Variants in WDPCP observed in about 807,000 individuals in gnomAD.
WDPCP encodes the protein WD repeat-containing and planar cell polarity effector protein fritz homolog.
In WDPCP, 71 loss-of-function variants were observed where a neutral mutation model predicts 93.1. That is an observed-to-expected ratio of 0.76 (90% confidence interval 0.63 to 0.93). WDPCP has a LOEUF of 0.93. Among genes scored for constraint, WDPCP ranks in the 40% least tolerant of loss-of-function variants. The pLI is 0.00. For missense variants in WDPCP, 844 were observed against 887.4 expected, an observed-to-expected ratio of 0.95 and a Z score of 0.62; for synonymous variants, 315 against 315.0, an observed-to-expected ratio of 1.00 and a Z score of 0.00.
At chr2:63,522,198 G>A (rs753839784) in intron 1 of WDPCP, among the ~76,000 whole-genome samples, 19 of 143,322 alleles carry the variant, frequency 1.3e-4, no homozygotes, top group Non-Finnish European at 2.1e-4. Flanking sequence ...CCCACCCCCC[G>A]GCAGGTGATG....
intron 2 of WDPCP, among the ~76,000 whole-genome samples, chr2:63,678,344 A>G (rs115672406): frequency 0.012 from 1,885 of 152,278 alleles, 22 homozygotes; most frequent in Non-Finnish European, 0.021. Context: ...AAAACCACAT[A>G]TCAAACTGCT....
At chr2:63,531,181 G>C (rs1703810098) in intron 1 of WDPCP, among the ~76,000 whole-genome samples, 1 of 152,248 alleles carries the variant, frequency 6.6e-6, no homozygotes, top group Non-Finnish European at 1.5e-5. Flanking sequence ...GGTAAACAAA[G>C]CAGCCCAGAA....
chr2:63,690,018 A>G (rs1668867800), intron 2 of WDPCP, among the ~76,000 whole-genome samples: 1 of 152,210 alleles, frequency 6.6e-6, no homozygotes, highest in Non-Finnish European at 1.5e-5. Flanking sequence ...TTGCATTCAG[A>G]TGGTGGTGGA....
intron 2 of WDPCP, among the ~76,000 whole-genome samples, chr2:63,781,192 A>T (rs1375740607): frequency 1.3e-5 from 2 of 152,162 alleles, no homozygotes; most frequent in Non-Finnish European, 2.9e-5. Context: ...TTCCTATAGT[A>T]TTTCCATACT....
chr2:63,226,954 T>G (rs1044111082), intron 14 of WDPCP, among the ~76,000 whole-genome samples: 2 of 151,912 alleles, frequency 1.3e-5, no homozygotes, highest in Non-Finnish European at 2.9e-5. Context: ...ACATGATTTG[T>G]TATGAAAAAG....
At chr2:63,523,628 C>T (rs1010341420) in intron 1 of WDPCP, among the ~76,000 whole-genome samples, 1 of 152,184 alleles carries the variant, frequency 6.6e-6, no homozygotes, top group Admixed American at 6.6e-5. Flanking sequence ...AGGCAATCAA[C>T]AGGCTGGGCG....
chr2:63,687,577 G>A (rs1490451405), intron 2 of WDPCP, among the ~76,000 whole-genome samples: 1 of 152,190 alleles, frequency 6.6e-6, no homozygotes, highest in Admixed American at 6.5e-5. Flanking sequence ...ACAGGCATAT[G>A]AAAAGGTGCT....
intron 4 of WDPCP, among the ~76,000 whole-genome samples, chr2:63,486,301 T>C (rs971736413): frequency 1.2e-4 from 18 of 151,888 alleles, no homozygotes; most frequent in Non-Finnish European, 2.9e-5. Flanking sequence ...TAATATATAG[T>C]TCATTATGAA....
chr2:63,732,182 C>G (rs777729848), intron 2 of WDPCP, among the ~76,000 whole-genome samples: 2 of 152,190 alleles, frequency 1.3e-5, no homozygotes, highest in Non-Finnish European at 2.9e-5. Context: ...GCAATCATAG[C>G]TTTCAAGGCA....
Position 63,408,057 on chromosome 2 carries a change from AG to A in WDPCP, c.826-3401del, listed in dbSNP as rs1694730128. ...TCTAATAGGCTCTGTAGTTTCACGA[AG>A]AAAACGGGGTAAAAAGTGGAGGTGG... On this transcript the variant is annotated intron_variant, in intron 9 of 17. Transcript: ENST00000272321. Among the ~76,000 whole-genome samples the A allele has an allele frequency of 3.3e-5, 5 of 152,322 alleles. No homozygotes were observed. In the South Asian group the frequency reaches 1.0e-3, roughly 32 times the overall value.
intron 12 of WDPCP, among the ~76,000 whole-genome samples, chr2:63,326,525 A>T (rs1226981384): frequency 6.6e-6 from 1 of 151,288 alleles, no homozygotes; most frequent in African/African-American, 2.4e-5. Flanking sequence ...AAAGAGAGAA[A>T]GAGACAGAGA....
At chr2:63,345,337 G>A (rs1689117140) in intron 12 of WDPCP, among the ~76,000 whole-genome samples, 1 of 152,184 alleles carries the variant, frequency 6.6e-6, no homozygotes, top group Non-Finnish European at 1.5e-5. Context: ...GGTGACATAA[G>A]GCACTTTAGT....
At chr2:63,534,590 A>T (rs1028715933) in intron 1 of WDPCP, among the ~76,000 whole-genome samples, 2 of 152,232 alleles carry the variant, frequency 1.3e-5, no homozygotes, top group Non-Finnish European at 2.9e-5. Flanking sequence ...CATCATATAA[A>T]CAGAAACAAA....
At chr2:63,704,876 C>A (rs1669122769) in intron 2 of WDPCP, among the ~76,000 whole-genome samples, 1 of 152,140 alleles carries the variant, frequency 6.6e-6, no homozygotes, top group South Asian at 2.1e-4. Context: ...AGGAATGGTA[C>A]CAGCTCCTCC....
rs1193313731 is a variant in WDPCP, at chr2:63,239,394, T to C, written c.1915+19913A>G. On this transcript the variant is annotated intron_variant, in intron 14 of 17. Transcript: ENST00000272321. ...TCTTTCCAAATTCCCCTTGAGAATA[T>C]AGATTTATGGTTATATGAAGCCATT... Among the ~76,000 whole-genome samples, 6 of 152,206 alleles carry C rather than the reference T, an allele frequency of 3.9e-5. No homozygotes were observed. In the South Asian group the frequency reaches 1.0e-3, roughly 26 times the overall value.
intron 1 of WDPCP, among the ~76,000 whole-genome samples, chr2:63,546,025 C>A (rs1705126956): frequency 6.6e-6 from 1 of 152,172 alleles, no homozygotes; most frequent in African/African-American, 2.4e-5. Context: ...ATCTGACAGC[C>A]ATACCTCTCA....
intron 15 of WDPCP, among the ~76,000 whole-genome samples, chr2:63,170,881 G>C (rs1673334267): frequency 2.0e-5 from 3 of 152,158 alleles, no homozygotes; most frequent in African/African-American, 7.2e-5. Flanking sequence ...TAGATCAATA[G>C]AGCAGAATGA....
At chr2:63,360,657 C>T (rs1424046988) in intron 12 of WDPCP, among the ~76,000 whole-genome samples, 1 of 152,220 alleles carries the variant, frequency 6.6e-6, no homozygotes, top group Non-Finnish European at 1.5e-5. Flanking sequence ...GGTGCATTCT[C>T]TGCAAATTGC....
intron 9 of WDPCP, among the ~76,000 whole-genome samples, chr2:63,410,735 G>A (rs1694961271): frequency 6.6e-6 from 1 of 152,184 alleles, no homozygotes; most frequent in Admixed American, 6.5e-5. Context: ...GTGAGTAGGG[G>A]TAGCTATTCT....
Sources: gnomAD v4.1 joint callset for allele counts (sites outside exome capture counted in the v4.1 genomes callset) on GRCh38, gnomAD v4.1.1 for gene constraint, MANE v1.5 for transcripts, NCBI Gene and HGNC (gene_info 2026-07-23, HGNC 2026-07-21) for gene names.